DGKB: variants seen among roughly 807,000 people sequenced by gnomAD.
DGKB encodes 90 kDa diacylglycerol kinase.
A neutral mutation model predicts 114.3 loss-of-function variants in DGKB; 67 were observed. The ratio of observed to expected loss-of-function variants is 0.59; its 90% confidence interval spans 0.48 to 0.72. The LOEUF is 0.72. Ranked by LOEUF, DGKB falls within the 30% of genes least tolerant of loss-of-function variation. DGKB has a pLI of 0.00. For synonymous variants in DGKB, 398 were observed against 323.1 expected (o/e 1.23, Z -2.49); for missense variants, 907 against 975.2 (o/e 0.93, Z 0.93).
intron 17 of DGKB, among the ~76,000 whole-genome samples, chr7:14,606,773 A>G (rs538573854): frequency 6.6e-6 from 1 of 152,200 alleles, no homozygotes; most frequent in South Asian, 2.1e-4. Context: ...CAGTAACTTC[A>G]AAAGTATACA....
At chr7:14,793,042 A>G (rs531466381) in intron 2 of DGKB, among the ~76,000 whole-genome samples, 1 of 152,270 alleles carries the variant, frequency 6.6e-6, no homozygotes, top group East Asian at 1.9e-4. Flanking sequence ...CAAAATCACC[A>G]AATGAGATTT....
intron 1 of DGKB, among the ~76,000 whole-genome samples, chr7:14,946,490 T>C (rs1006566290): frequency 2.6e-5 from 4 of 151,744 alleles, no homozygotes; most frequent in East Asian, 1.9e-4. Flanking sequence ...ACACAGCATA[T>C]AGAATAAAAT....
intron 2 of DGKB, among the ~76,000 whole-genome samples, chr7:14,757,973 G>A (rs773759238): frequency 2.6e-5 from 4 of 152,038 alleles, no homozygotes; most frequent in Non-Finnish European, 5.9e-5. Context: ...AAAAATATGG[G>A]TAGCTAAGCC....
intron 1 of DGKB, among the ~76,000 whole-genome samples, chr7:14,939,532 G>C (rs912912847): frequency 1.3e-5 from 2 of 151,282 alleles, no homozygotes; most frequent in Admixed American, 1.3e-4. Context: ...GAAGTTGAAA[G>C]CATGTTCCCT....
chr7:14,663,748 C>G (rs1365081567), intron 13 of DGKB, among the ~76,000 whole-genome samples: 4 of 146,568 alleles, frequency 2.7e-5, no homozygotes, highest in Non-Finnish European at 4.5e-5. Flanking sequence ...CTCTCTCTGT[C>G]TCATAAATCT....
At chr7:14,735,478 C>G (rs1327935694) in intron 5 of DGKB, among the ~76,000 whole-genome samples, 7 of 152,086 alleles carry the variant, frequency 4.6e-5, no homozygotes, top group African/African-American at 1.7e-4. Flanking sequence ...ACAGTGAAAT[C>G]TCTGTTTTCT....
intron 2 of DGKB, among the ~76,000 whole-genome samples, chr7:14,831,511 A>C (rs1474312954): frequency 2.0e-5 from 3 of 152,014 alleles, no homozygotes; most frequent in Non-Finnish European, 4.4e-5. Context: ...CAGATTCCCT[A>C]AATTTGGGGA....
chr7:14,374,962 G>A (rs969627555), intron 21 of DGKB, among the ~76,000 whole-genome samples: 1 of 152,166 alleles, frequency 6.6e-6, no homozygotes, highest in Admixed American at 6.5e-5. Flanking sequence ...CTGTCTCAAA[G>A]TCTATCTTGC....
intron 21 of DGKB, among the ~76,000 whole-genome samples, chr7:14,422,092 C>T (rs1583820097): frequency 6.6e-6 from 1 of 152,006 alleles, no homozygotes; most frequent in East Asian, 1.9e-4. Context: ...CTTGTGACAA[C>T]TAATCTCCTT....
intron 21 of DGKB, among the ~76,000 whole-genome samples, chr7:14,358,353 G>A (rs547245626): frequency 1.1e-4 from 16 of 152,024 alleles, no homozygotes; most frequent in East Asian, 3.9e-4. Flanking sequence ...TTCAATCACC[G>A]ATACCCTTTC....
intron 21 of DGKB, among the ~76,000 whole-genome samples, chr7:14,394,845 T>C (rs962484339): frequency 6.6e-6 from 1 of 152,112 alleles, no homozygotes; most frequent in Non-Finnish European, 1.5e-5. Context: ...TAACACAATC[T>C]TGAATCCAAA....
At chr7:14,380,896 T>C (rs928091447) in intron 21 of DGKB, among the ~76,000 whole-genome samples, 2 of 152,242 alleles carry the variant, frequency 1.3e-5, no homozygotes, top group Non-Finnish European at 2.9e-5. Flanking sequence ...TATGTTTTGA[T>C]ACATGGCAAA....
At position 14,221,502 on chromosome 7, in the gene DGKB, C is replaced by T. The variant is rs1166737775; in HGVS notation, c.2123-43351G>A. ...TTGATTTCCAGGTGTTAAACCAACT[C>T]TCATTCCTGGGATAAATATCATTTG... is the stretch of plus-strand genomic sequence containing the variant. On this transcript the variant is annotated intron_variant, in intron 23 of 25. Coordinates refer to ENST00000402815, the MANE Select transcript of DGKB (RefSeq NM_001350709.2). Among the ~76,000 whole-genome samples, 4 of 151,454 alleles carry T rather than the reference C, an allele frequency of 2.6e-5. No individual in the cohort carries two copies. The East Asian group carries it at 5.8e-4, about 22-fold the overall frequency.
At chr7:14,269,427 C>A (rs1013087858) in intron 23 of DGKB, among the ~76,000 whole-genome samples, 1 of 152,140 alleles carries the variant, frequency 6.6e-6, no homozygotes, top group African/African-American at 2.4e-5. Flanking sequence ...TGCCAAGAAT[C>A]AACTTAAATG....
chr7:14,528,000 T>C (rs751876582), intron 20 of DGKB, among the ~76,000 whole-genome samples: 1 of 152,124 alleles, frequency 6.6e-6, no homozygotes, highest in Non-Finnish European at 1.5e-5. Context: ...TTTTAAATGG[T>C]TTGTTAGTAC....
chr7:14,838,751 C>T (rs1017488528), intron 2 of DGKB, among the ~76,000 whole-genome samples: 2 of 152,146 alleles, frequency 1.3e-5, no homozygotes, highest in African/African-American at 2.4e-5. Flanking sequence ...GTAAACTTCT[C>T]GAAGCATAAC....
intron 21 of DGKB, among the ~76,000 whole-genome samples, chr7:14,402,689 A>T (rs573890938): frequency 6.6e-6 from 1 of 152,022 alleles, no homozygotes; most frequent in East Asian, 1.9e-4. Context: ...TTATGTGTCA[A>T]TTTGGTAAGG....
At chr7:14,737,843 G>A (rs1204934754) in intron 4 of DGKB, among the ~76,000 whole-genome samples, 2 of 149,886 alleles carry the variant, frequency 1.3e-5, no homozygotes, top group Non-Finnish European at 1.5e-5. Flanking sequence ...GCAGTCAGCT[G>A]AGATTGTGCC....
intron 20 of DGKB, 68 bp downstream of exon 20, chr7:14,574,144 G>C (rs1798776949): frequency 1.6e-6 from 2 of 1,260,848 alleles, no homozygotes; most frequent in South Asian, 3.5e-5. Flanking sequence ...AATTTTCATA[G>C]TTTAAAAGTT....
Sources: allele counts gnomAD v4.1 joint callset (sites outside exome capture counted in the v4.1 genomes callset), GRCh38; gene constraint gnomAD v4.1.1; transcripts MANE v1.5; gene names NCBI Gene and HGNC (gene_info 2026-07-23, HGNC 2026-07-21).